DMXL1: variants seen among roughly 807,000 people sequenced by gnomAD.
The protein encoded by DMXL1 is dmX-like protein 1.
DMXL1 carries 99 observed loss-of-function variants against 319.2 expected under a neutral mutation model. That is an observed-to-expected ratio of 0.31 (90% confidence interval 0.26 to 0.37). DMXL1 has a LOEUF of 0.37. Among genes scored for constraint, DMXL1 ranks in the 10% least tolerant of loss-of-function variants. The pLI, the probability that DMXL1 is intolerant of heterozygous loss-of-function variation, is 1.00. For synonymous variants in DMXL1, 1,385 were observed against 1,235.2 expected, an observed-to-expected ratio of 1.12 and a Z score of -2.54; for missense variants, 3,745 against 3,595.6, an observed-to-expected ratio of 1.04 and a Z score of -1.06.
intron 5 of DMXL1, among the ~76,000 whole-genome samples, chr5:119,113,176 G>A (rs142910992): frequency 6.6e-6 from 1 of 152,180 alleles, no homozygotes; most frequent in East Asian, 1.9e-4. Context: ...TAATAATGTA[G>A]ATCTGTACAC....
chr5:119,144,860 C>T (rs1430911882), intron 15 of DMXL1, among the ~76,000 whole-genome samples: 3 of 151,656 alleles, frequency 2.0e-5, no homozygotes, highest in East Asian at 3.9e-4. Flanking sequence ...GTTTTTTAAA[C>T]TGCATAATAG....
chr5:119,150,485 T>C, intron 18 of DMXL1, 64 bp downstream of exon 18: 2 of 1,484,808 alleles, frequency 1.3e-6, no homozygotes, highest in Non-Finnish European at 1.8e-6. Context: ...TTTTAAATAA[T>C]TTTTATTAAA....
intron 38 of DMXL1, 85 bp downstream of exon 38, chr5:119,224,854 C>G: frequency 1.7e-6 from 1 of 572,464 alleles, no homozygotes; most frequent in African/African-American, 1.9e-5. Context: ...GTGTGGGAAC[C>G]TTTTTGTTTT....
intron 34 of DMXL1, among the ~76,000 whole-genome samples, chr5:119,213,334 A>G (rs938954263): frequency 6.6e-6 from 1 of 152,090 alleles, no homozygotes; most frequent in African/African-American, 2.4e-5. Context: ...AACAGAGTGA[A>G]CTGTTACCCT....
chr5:119,231,559 C>T (rs1019252508), intron 38 of DMXL1, among the ~76,000 whole-genome samples: 4 of 152,166 alleles, frequency 2.6e-5, no homozygotes, highest in Admixed American at 6.6e-5. Context: ...TCCTGGAGGT[C>T]ATCATCAGGG....
At chr5:119,131,342 GTTGATACACAGT>G (rs1481844959) in intron 10 of DMXL1, among the ~76,000 whole-genome samples, 1 of 152,092 alleles carries the variant, frequency 6.6e-6, no homozygotes, top group Non-Finnish European at 1.5e-5. Context: ...GTATTGATAA[GTTGATACACAGT>G]TTATTTTTTG....
intron 1 of DMXL1, among the ~76,000 whole-genome samples, chr5:119,086,379 G>C (rs549594979): frequency 6.6e-6 from 1 of 152,218 alleles, no homozygotes; most frequent in African/African-American, 2.4e-5. Context: ...ACCATCCTTG[G>C]GTCCCTGGGA....
chr5:119,141,079 A>G (rs1230484355), intron 13 of DMXL1, among the ~76,000 whole-genome samples: 1 of 152,232 alleles, frequency 6.6e-6, no homozygotes, highest in Non-Finnish European at 1.5e-5. Flanking sequence ...AACTCTCAAT[A>G]AACTAGGTGT....
Position 119,167,727 on chromosome 5 carries a change from C to A in DMXL1, c.5261C>A (p.Ser1754Tyr). 6.2e-7 allele frequency: 1 copy of A among 1,613,642 alleles called. No individual in the cohort carries two copies. Among genetic ancestry groups the A allele is most frequent in the Non-Finnish European group, 8.5e-7 (1 of 1,179,742 alleles). The change falls in exon 23 of 44, where the codon TCT (serine) becomes TAT (tyrosine). Residue 1754 changes from serine (S) to tyrosine (Y), a missense_variant. Around this residue, in one of 4 missense-constraint regions of DMXL1, gnomAD observed 1,382 missense variants for 1,269.5 expected, o/e 1.09. Transcript: ENST00000539542. ...CGTAAAAAAGTTTTGGGAATCGATT[C>A]TCCTGTCAGTGAACTGTGTTCATTG... ...ILRKKVLGID[S>Y]PVSELCSLNI... is the part of the protein sequence containing the mutation.
At chr5:119,233,995 C>T (rs952605138) in intron 39 of DMXL1, among the ~76,000 whole-genome samples, 1 of 152,136 alleles carries the variant, frequency 6.6e-6, no homozygotes, top group African/African-American at 2.4e-5. Flanking sequence ...CAGTTACCCC[C>T]ATTCATTATT....
chr5:119,164,914 A>T (rs1011379657), intron 20 of DMXL1, among the ~76,000 whole-genome samples: 4 of 152,116 alleles, frequency 2.6e-5, no homozygotes, highest in African/African-American at 9.6e-5. Flanking sequence ...TGATTTTTAC[A>T]AAATAATATA....
At chr5:119,124,950 G>A (rs1763185861) in intron 9 of DMXL1, among the ~76,000 whole-genome samples, 1 of 152,068 alleles carries the variant, frequency 6.6e-6, no homozygotes, top group South Asian at 2.1e-4. Context: ...TATTAACAGA[G>A]CTACAAATTA....
intron 17 of DMXL1, 66 bp downstream of exon 17, chr5:119,147,536 TA>T: frequency 9.0e-7 from 1 of 1,106,356 alleles, no homozygotes; most frequent in Admixed American, 1.9e-5. Context: ...TATTTAAAAA[TA>T]GGTGCTGCAA....
Position 119,170,807 on chromosome 5 carries a change from G to C in DMXL1, c.6016G>C (p.Glu2006Gln). 2 of 1,611,478 alleles carry C rather than the reference G, an allele frequency of 1.2e-6. No homozygotes were observed. Among genetic ancestry groups the C allele is most frequent in the Non-Finnish European group, 1.7e-6 (2 of 1,179,478 alleles). ...KLDDISSNYT[E>Q]SFSTLDENDL... ...GGATGACATAAGTTCTAACTACACA[G>C]AATCTTTCAGCACACTAGATGAAAA... The change falls in exon 24 of 44, where the codon GAA becomes CAA. Residue 2006 changes from glutamate (E) to glutamine (Q), a missense_variant. By Grantham distance (29) the Glu-to-Gln change is conservative (BLOSUM62 2). This residue lies in a region of DMXL1 where 1,382 missense variants were observed against 1,269.5 expected (regional missense o/e 1.09). Coordinates refer to ENST00000539542, the MANE Select transcript of DMXL1 (RefSeq NM_001290321.3).
At chr5:119,143,249 G>C (rs1767811253) in intron 13 of DMXL1, among the ~76,000 whole-genome samples, 1 of 151,998 alleles carries the variant, frequency 6.6e-6, no homozygotes. Flanking sequence ...ATGCTGGAAT[G>C]CTCGGTTAAA....
intron 17 of DMXL1, 145 bp downstream of exon 17, chr5:119,147,615 T>C (rs1185940414): frequency 3.2e-5 from 18 of 564,962 alleles, no homozygotes; most frequent in Non-Finnish European, 5.3e-5. Context: ...ATTGAAGACT[T>C]ATAGTTCTCA....
At position 119,170,419 on chromosome 5, in the gene DMXL1, A is replaced by G; in HGVS notation, c.5628A>G (p.Glu1876=). The change falls in exon 24 of 44, where the codon GAA becomes GAG. Residue 1876 remains glutamate, a synonymous_variant. Transcript: ENST00000539542. ...LKAGCPMLAL[E]VLSKMPKVIK... ...CTGGCTGCCCAATGTTGGCTTTGGA[A>G]GTATTATCAAAGATGCCTAAAGTCA... The G allele has an allele frequency of 6.2e-7, 1 of 1,613,982 alleles. No individual in the cohort carries two copies. The highest frequency in any genetic ancestry group is 8.5e-7 in the Non-Finnish European group (1 of 1,179,932).
chr5:119,218,560 G>A (rs1050651604), intron 35 of DMXL1, among the ~76,000 whole-genome samples: 10 of 152,014 alleles, frequency 6.6e-5, no homozygotes, highest in African/African-American at 1.9e-4. Context: ...GGGTTCAAGC[G>A]ATTCTCCTGC....
At chr5:119,210,753 TTTCG>T (rs1265191854) in intron 34 of DMXL1, among the ~76,000 whole-genome samples, 3 of 128,706 alleles carry the variant, frequency 2.3e-5, no homozygotes, top group African/African-American at 5.5e-5. Context: ...TTCTTTTTTC[TTTCG>T]TTTTTTTTTT....
Sources: allele counts gnomAD v4.1 joint callset (sites outside exome capture counted in the v4.1 genomes callset), GRCh38; gene constraint gnomAD v4.1.1; regional missense constraint gnomAD v4.1.1; transcripts MANE v1.5; gene names NCBI Gene and HGNC (gene_info 2026-07-23, HGNC 2026-07-21).